Variants in ARID3B observed in about 807,000 individuals in gnomAD.
ARID3B encodes the protein AT-rich interaction domain 3B.
A neutral mutation model predicts 51.9 loss-of-function variants in ARID3B; 10 were observed. The observed-to-expected ratio is 0.19, with a 90% CI of 0.12 to 0.33. The LOEUF (loss-of-function observed/expected upper bound fraction) is 0.33, where lower values mean the gene tolerates loss of function less well. Ranked by LOEUF, ARID3B falls within the 10% of genes least tolerant of loss-of-function variation. ARID3B has a pLI of 1.00. For synonymous variants in ARID3B, 205 were observed against 279.5 expected, an observed-to-expected ratio of 0.73 and a Z score of 2.66; for missense variants, 483 against 716.3, an observed-to-expected ratio of 0.67 and a Z score of 3.72.
intron 2 of ARID3B, among the ~76,000 whole-genome samples, chr15:74,548,379 G>T (rs1170772570): frequency 6.6e-6 from 1 of 152,146 alleles, no homozygotes; most frequent in Non-Finnish European, 1.5e-5. Context: ...TGGGGCCAGG[G>T]TGCATGTGTC....
intron 2 of ARID3B, among the ~76,000 whole-genome samples, chr15:74,557,978 C>A (rs374362317): frequency 6.6e-6 from 1 of 151,798 alleles, no homozygotes; most frequent in Non-Finnish European, 1.5e-5. Context: ...CCCGCCACCA[C>A]GCCTAGCTAA....
At chr15:74,561,296 G>A (rs1291287409) in intron 2 of ARID3B, among the ~76,000 whole-genome samples, 1 of 152,154 alleles carries the variant, frequency 6.6e-6, no homozygotes, top group Non-Finnish European at 1.5e-5. Context: ...TGAATGAGAA[G>A]GATGAATAGA....
At chr15:74,586,509 A>G (rs369934492) in intron 4 of ARID3B, among the ~76,000 whole-genome samples, 28 of 152,256 alleles carry the variant, frequency 1.8e-4, no homozygotes, top group African/African-American at 5.8e-4. Context: ...AATTAGTCCA[A>G]TGACTACTCA....
Position 74,544,506 on chromosome 15 carries a change from T to C in ARID3B, c.552+18T>C, listed in dbSNP as rs768215998. 6.2e-7 allele frequency: 1 copy of C among 1,603,848 alleles called. No individual in the cohort carries two copies. Among genetic ancestry groups the C allele is most frequent in the Non-Finnish European group, 8.5e-7 (1 of 1,174,338 alleles). On this transcript the variant is annotated intron_variant, in intron 2 of 8. Transcript: ENST00000346246. ...TCAAGCAGGTCAGTCTTTCTGGTAT[T>C]GTAGGTCATTTGGTCTTCCTGAAGG...
At chr15:74,569,469 C>A (rs538300929) in intron 2 of ARID3B, among the ~76,000 whole-genome samples, 1 of 152,194 alleles carries the variant, frequency 6.6e-6, no homozygotes, top group East Asian at 1.9e-4. Flanking sequence ...TACCTGTAGT[C>A]CCAGCTACTC....
Position 74,550,775 on chromosome 15 carries a change from C to T in ARID3B, c.552+6287C>T, listed in dbSNP as rs1221407056. Among the ~76,000 whole-genome samples the T allele has an allele frequency of 5.9e-5, 9 of 151,992 alleles. No homozygotes were observed. The East Asian group carries it at 1.2e-3, about 20-fold the overall frequency. On this transcript the variant is annotated intron_variant, in intron 2 of 8. Coordinates refer to ENST00000346246, the MANE Select transcript of ARID3B (RefSeq NM_006465.4). ...TGCTTGCTCTAGTACTTTGGACAAG[C>T]GTTCTAATCTGCCTCTCTGAACCCA... is the stretch of plus-strand genomic sequence containing the variant.
In ARID3B at chr15:74,573,131, G is replaced by T; in HGVS notation, c.625-1G>T. Reference sequence around the variant, plus strand: ...TTTTTCTTGGGGGATTGGGATTGCAGCTGTATGAACTGGACGGTGATCCTG... The same window carrying T: ...TTTTTCTTGGGGGATTGGGATTGCATCTGTATGAACTGGACGGTGATCCTG... On this transcript the variant is annotated splice_acceptor_variant, in intron 3 of 8. Coordinates refer to ENST00000346246, the MANE Select transcript of ARID3B (RefSeq NM_006465.4). LOFTEE classifies it high-confidence loss of function. 1 of 1,613,952 alleles carries T rather than the reference G, an allele frequency of 6.2e-7. No individual in the cohort carries two copies. Among genetic ancestry groups the T allele is most frequent in the Non-Finnish European group, 8.5e-7 (1 of 1,180,002 alleles).
chr15:74,588,194 G>A lies in ARID3B; in HGVS notation c.698-1626G>A, dbSNP rs945759779. ...GTCTGCAATAAGTCATGATTGCACC[G>A]CTGCACTCCAGTCTGGGCAACAGAG... On this transcript the variant is annotated intron_variant, in intron 4 of 8. Coordinates refer to ENST00000346246, the MANE Select transcript of ARID3B (RefSeq NM_006465.4). Among the ~76,000 whole-genome samples the A allele has an allele frequency of 4.6e-5, 7 of 151,208 alleles. No individual in the cohort carries two copies. The East Asian group carries it at 9.7e-4, about 21-fold the overall frequency.
At chr15:74,543,149 G>A (rs987984882) in intron 1 of ARID3B, among the ~76,000 whole-genome samples, 1 of 152,212 alleles carries the variant, frequency 6.6e-6, no homozygotes, top group African/African-American at 2.4e-5. Flanking sequence ...AGTGACGATT[G>A]CAATTTGAGA....
intron 2 of ARID3B, among the ~76,000 whole-genome samples, chr15:74,558,008 A>G (rs1425563956): frequency 2.0e-5 from 3 of 151,570 alleles, no homozygotes; most frequent in Admixed American, 2.0e-4. Context: ...TTTTTAGTAG[A>G]GACAGGGTTT....
chr15:74,586,123 G>A (rs2061780819), intron 4 of ARID3B, among the ~76,000 whole-genome samples: 1 of 152,222 alleles, frequency 6.6e-6, no homozygotes, highest in Non-Finnish European at 1.5e-5. Flanking sequence ...TGTGGAGTGA[G>A]GAAAACAGCT....
At chr15:74,548,757 A>G (rs529659606) in intron 2 of ARID3B, among the ~76,000 whole-genome samples, 1 of 152,310 alleles carries the variant, frequency 6.6e-6, no homozygotes, top group South Asian at 2.1e-4. Context: ...TTGGAGAAGC[A>G]CTTCTGCAGT....
intron 2 of ARID3B, among the ~76,000 whole-genome samples, chr15:74,563,324 A>G (rs1208981893): frequency 6.6e-6 from 1 of 152,248 alleles, no homozygotes; most frequent in Non-Finnish European, 1.5e-5. Flanking sequence ...CTGTGAATGC[A>G]GCTGACTTTT....
chr15:74,556,436 ATTT>A (rs1308340944), intron 2 of ARID3B, among the ~76,000 whole-genome samples: 2 of 152,186 alleles, frequency 1.3e-5, no homozygotes, highest in Non-Finnish European at 2.9e-5. Context: ...AGATGTAATA[ATTT>A]TTTTAAGTGT....
At position 74,591,779 on chromosome 15, in the gene ARID3B, G is replaced by A. The variant is rs561048524; in HGVS notation, c.1385G>A (p.Arg462Gln). 52 of 1,614,020 alleles carry A rather than the reference G, an allele frequency of 3.2e-5. No individual in the cohort carries two copies. Among genetic ancestry groups the A allele is most frequent in the Non-Finnish European group, 4.0e-5 (47 of 1,179,996 alleles). Residue 462 changes from arginine to glutamine, a missense_variant, in exon 7 of 9, where the codon CGG becomes CAG. Coordinates refer to ENST00000346246, the MANE Select transcript of ARID3B (RefSeq NM_006465.4). The surrounding 1 kb of genome is among the most constrained non-coding windows in gnomAD (Gnocchi z 5.8). ...AFQRNFFSMA[R>Q]QLPMKIRING... ...CAGCGCAACTTTTTCAGCATGGCAC[G>A]GCAGCTCCCCATGAAGATCAGGATC... is the stretch of plus-strand genomic sequence containing the variant.
At chr15:74,543,341 T>A (rs1161919798) in intron 1 of ARID3B, among the ~76,000 whole-genome samples, 2 of 152,216 alleles carry the variant, frequency 1.3e-5, no homozygotes, top group Non-Finnish European at 2.9e-5. Context: ...AGAGTAAAAC[T>A]GTCTGCCTGA....
At position 74,595,739 on chromosome 15, in the gene ARID3B, C is replaced by G. The variant is rs1298635210; in HGVS notation, c.1648C>G (p.Pro550Ala). The G allele has an allele frequency of 6.2e-7, 1 of 1,610,860 alleles. No homozygotes were observed. The highest frequency in any genetic ancestry group is 1.3e-5 in the African/African-American group (1 of 74,866). ...SPSPTSSRGT[P>A]SAEPSTSWSL is the part of the protein sequence containing the mutation. ...AAGTCCTACCTCATCCCGGGGCACC[C>G]CCAGCGCAGAGCCCTCCACCAGCTG... The change falls in exon 9 of 9, where the codon CCC (proline) becomes GCC (alanine). Residue 550 changes from proline (P) to alanine (A), a missense_variant. This residue lies in a region of ARID3B where 265 missense variants were observed against 354.4 expected (regional missense o/e 0.75). Coordinates refer to ENST00000346246, the MANE Select transcript of ARID3B (RefSeq NM_006465.4).
chr15:74,581,253 T>C (rs1423003571), intron 4 of ARID3B, among the ~76,000 whole-genome samples: 1 of 152,260 alleles, frequency 6.6e-6, no homozygotes, highest in African/African-American at 2.4e-5. Context: ...TTGATGTGTA[T>C]ATACAAAGAA....
chr15:74,577,882 T>C (rs1173965176), intron 4 of ARID3B, among the ~76,000 whole-genome samples: 1 of 151,972 alleles, frequency 6.6e-6, no homozygotes, highest in Non-Finnish European at 1.5e-5. Context: ...TCTTTGTTCC[T>C]TTTTTTGAGA....
Sources: gnomAD v4.1 joint callset for allele counts (sites outside exome capture counted in the v4.1 genomes callset) on GRCh38, gnomAD v4.1.1 for gene constraint, gnomAD v4.1.1 regional missense constraint, Gnocchi (gnomAD v3.1) non-coding constraint, MANE v1.5 for transcripts, NCBI Gene and HGNC (gene_info 2026-07-23, HGNC 2026-07-21) for gene names.